The following TAS1R2 variants were observed in gnomAD, a reference collection of about 807,000 sequenced individuals.
TAS1R2 encodes the protein taste 1 receptor member 2, also known as taste receptor type 1 member 2.
In TAS1R2, 47 loss-of-function variants were observed where a neutral mutation model predicts 49.3. The ratio of observed to expected loss-of-function variants is 0.95; its 90% confidence interval spans 0.75 to 1.22. The LOEUF is 1.22. Among genes scored for constraint, TAS1R2 ranks in the 50% most tolerant of loss-of-function variants. The pLI is 0.00. For synonymous variants in TAS1R2, 479 were observed against 467.9 expected (o/e 1.02, Z -0.31); for missense variants, 1,155 against 1,122.1 (o/e 1.03, Z -0.42).
At chr1:18,856,137 G>A (rs758343106) in intron 2 of TAS1R2, among the ~76,000 whole-genome samples, 31 of 152,108 alleles carry the variant, frequency 2.0e-4, no homozygotes, top group Non-Finnish European at 3.4e-4. Flanking sequence ...TAAGGGCTCC[G>A]TCATTTATCT....
At chr1:18,852,273 A>T (rs1569671955) in intron 3 of TAS1R2, among the ~76,000 whole-genome samples, 1 of 152,192 alleles carries the variant, frequency 6.6e-6, no homozygotes. Context: ...AGGACACCAC[A>T]TACCATTTTG....
chr1:18,850,155 TG>T (rs1247900042), intron 3 of TAS1R2, among the ~76,000 whole-genome samples: 2 of 152,160 alleles, frequency 1.3e-5, no homozygotes, highest in East Asian at 3.9e-4. Flanking sequence ...AGGCAGCAGC[TG>T]GGACAAACTA....
At chr1:18,841,805 C>T (rs1933831669) in exon 5 of TAS1R2, 1 of 1,613,726 alleles carries the variant, frequency 6.2e-7, no homozygotes, top group Non-Finnish European at 8.5e-7. Flanking sequence ...CCACAGGCTT[C>T]TTCTTTTGCC....
At chr1:18,845,277 A>T (rs1190286731) in intron 4 of TAS1R2, among the ~76,000 whole-genome samples, 1 of 152,200 alleles carries the variant, frequency 6.6e-6, no homozygotes, top group Admixed American at 6.5e-5. Flanking sequence ...TAACCAGGTG[A>T]TGAGATGACA....
At position 18,854,748 on chromosome 1, in the gene TAS1R2, G is replaced by C. The variant is rs1934104265; in HGVS notation, c.722C>G (p.Pro241Arg). ...CATGTTCTGGTTGGGCTGCAGTGTG[G>C]GCAGCGTCTCCTGGAAGGCGATGCA... The change falls in exon 3 of 6, where the codon CCC becomes CGC. Residue 241 changes from proline to arginine, a missense_variant. Transcript: ENST00000375371. This position sits in a 1 kb window ranked among gnomAD's most constrained non-coding sequence, Gnocchi z 4.9. 1 of 1,611,232 alleles carries C rather than the reference G, an allele frequency of 6.2e-7. No homozygotes were observed. Among genetic ancestry groups the C allele is most frequent in the African/African-American group, 1.3e-5 (1 of 74,922 alleles).
At chr1:18,846,823 G>A (rs28891669) in intron 4 of TAS1R2, among the ~76,000 whole-genome samples, 63,259 of 152,066 alleles carry the variant, frequency 0.42, 13,466 homozygotes, top group East Asian at 0.55. Flanking sequence ...GTAGTCCCCA[G>A]CGTTGGAGGT....
chr1:18,846,159 C>T (rs910218345), intron 4 of TAS1R2, among the ~76,000 whole-genome samples: 14 of 152,186 alleles, frequency 9.2e-5, no homozygotes, highest in Admixed American at 2.6e-4. Context: ...CACCTGGCCT[C>T]GGCTACACAG....
chr1:18,844,656 G>A (rs149003487), intron 4 of TAS1R2, among the ~76,000 whole-genome samples: 7,577 of 152,172 alleles, frequency 0.05, 517 homozygotes, highest in African/African-American at 0.15. Context: ...TGGGAGGCTG[G>A]GGCAGGAGAA....
chr1:18,840,527 T>C (rs1371740919), exon 6 of TAS1R2: 4 of 1,613,992 alleles, frequency 2.5e-6, no homozygotes, highest in Non-Finnish European at 1.7e-6. Context: ...TTCATATTCA[T>C]CTGCAAAAGC....
intron 1 of TAS1R2, 81 bp from the exon 2 acceptor site, chr1:18,857,712 T>C (rs1569682132): frequency 1.4e-6 from 2 of 1,479,076 alleles, no homozygotes. Context: ...CCACTCCTCC[T>C]TCCTGCCACA....
At chr1:18,851,493 C>A (rs903938642) in intron 3 of TAS1R2, among the ~76,000 whole-genome samples, 12 of 152,100 alleles carry the variant, frequency 7.9e-5, no homozygotes, top group Non-Finnish European at 1.5e-4. Context: ...CTATGCCCAG[C>A]TAATTTTTTG....
In TAS1R2 at chr1:18,854,571, G is replaced by A. The variant is rs2100521790; in HGVS notation, c.899C>T (p.Ala300Val). The stretch of plus-strand genomic sequence containing the variant: ...CGGGTCGATGGCCCAGGACTCGGAG[G>A]CGATCCACACGGCGCCAGTGAAGTT... Residue 300 changes from alanine (A) to valine (V), a missense_variant, in exon 3 of 6, where the codon GCC becomes GTC. By Grantham distance (64) the Ala-to-Val change is moderately conservative. Transcript: ENST00000375371. This position sits in a 1 kb window ranked among gnomAD's most constrained non-coding sequence, Gnocchi z 4.9. 5 of 1,613,846 alleles carry A rather than the reference G, an allele frequency of 3.1e-6. No individual in the cohort carries two copies. In the East Asian group the frequency reaches 1.1e-4, roughly 36 times the overall value.
chr1:18,839,901 C>T (rs1191625901), exon 6 of TAS1R2: 20 of 1,614,114 alleles, frequency 1.2e-5, no homozygotes, highest in Non-Finnish European at 1.6e-5. Flanking sequence ...AAACCCACCA[C>T]TGAGAGCAGC....
In TAS1R2 at chr1:18,840,310, C is replaced by G. The variant is rs146370371; in HGVS notation, c.1809G>C (p.Met603Ile). The G allele has an allele frequency of 6.6e-5, 107 of 1,613,988 alleles. No individual in the cohort carries two copies. Among genetic ancestry groups the G allele is most frequent in the Non-Finnish European group, 8.4e-5 (99 of 1,180,032 alleles). The change falls in exon 6 of 6, where the codon ATG becomes ATC. Residue 603 changes from methionine to isoleucine, a missense_variant. Transcript: ENST00000375371. ...GCAGCAGTGTCAGCATCAGGAAGCA[C>G]ATGGGGCCCCCAGCCGAGCGAACTA...
chr1:18,857,709 T>C (rs1569682128), intron 1 of TAS1R2, 78 bp from the exon 2 acceptor site: 1 of 1,484,512 alleles, frequency 6.7e-7, no homozygotes, highest in South Asian at 1.3e-5. Flanking sequence ...AGCCCACTCC[T>C]CCTTCCTGCC....
chr1:18,841,615 CCCCCTGTGGGGTACTCCAGAG>C, intron 5 of TAS1R2, 93 bp downstream of exon 5: 2 of 1,438,244 alleles, frequency 1.4e-6, no homozygotes, highest in Non-Finnish European at 1.9e-6. Context: ...GACACTCACA[CCCCCTGTGGGGTACTCCAGAG>C]ACCCTGCCAA....
intron 4 of TAS1R2, among the ~76,000 whole-genome samples, chr1:18,844,206 G>C (rs1305548368): frequency 6.6e-6 from 1 of 152,170 alleles, no homozygotes; most frequent in Non-Finnish European, 1.5e-5. Flanking sequence ...CAGGACACTT[G>C]GTTGTTTGCT....
rs772608018 is a variant in TAS1R2, at chr1:18,854,736, G to A, written c.734C>T (p.Pro245Leu). The A allele has an allele frequency of 1.1e-5, 18 of 1,612,178 alleles. No individual in the cohort carries two copies. The highest frequency in any genetic ancestry group is 1.3e-5 in the Non-Finnish European group (15 of 1,179,816). Residue 245 changes from proline to leucine, a missense_variant, in exon 3 of 6, where the codon CCC becomes CTC. Transcript: ENST00000375371. The surrounding 1 kb of genome is among the most constrained non-coding windows in gnomAD (Gnocchi z 4.9). ...CTCCTCTGACGTCATGTTCTGGTTG[G>A]GCTGCAGTGTGGGCAGCGTCTCCTG...
At chr1:18,844,797 A>T (rs559139862) in intron 4 of TAS1R2, among the ~76,000 whole-genome samples, 1 of 152,154 alleles carries the variant, frequency 6.6e-6, no homozygotes, top group African/African-American at 2.4e-5. Flanking sequence ...GACTTGTCCA[A>T]TGAAGGTCAG....
Sources: gnomAD v4.1 joint callset for allele counts (sites outside exome capture counted in the v4.1 genomes callset) on GRCh38, gnomAD v4.1.1 for gene constraint, Gnocchi (gnomAD v3.1) non-coding constraint, MANE v1.5 for transcripts, NCBI Gene and HGNC (gene_info 2026-07-23, HGNC 2026-07-21) for gene names.